The following HS1BP3 variants were observed in gnomAD, a reference collection of about 807,000 sequenced individuals.
The protein encoded by HS1BP3 is HCLS1 binding protein 3.
HS1BP3 carries 32 observed loss-of-function variants against 33.5 expected under a neutral mutation model. The ratio of observed to expected loss-of-function variants is 0.95; its 90% CI spans 0.72 to 1.28. HS1BP3 has a LOEUF of 1.28. Among genes scored for constraint, HS1BP3 ranks in the 50% most tolerant of loss-of-function variants. The probability of loss-of-function intolerance (pLI) is 0.00; values close to 1 mark genes in which losing one functional copy is unlikely to be tolerated. For missense variants in HS1BP3, 486 were observed against 502.3 expected (o/e 0.97, Z 0.31); for synonymous variants, 187 against 209.2 (o/e 0.89, Z 0.92).
chr2:20,628,845 G>A (rs1572348001), intron 4 of HS1BP3, among the ~76,000 whole-genome samples: 1 of 152,114 alleles, frequency 6.6e-6, no homozygotes, highest in South Asian at 2.1e-4. Context: ...TCTGCAGCGG[G>A]CGTGACTAGG....
In HS1BP3 at chr2:20,644,094, T is replaced by C. The variant is rs145666076; in HGVS notation, c.198+1246A>G. 1.4e-3 allele frequency among the ~76,000 whole-genome samples: 207 copies of C among 152,292 alleles called. 5 individuals are homozygous for C. The highest frequency in any genetic ancestry group is 3.7e-3 in the African/African-American group (154 of 41,548). On this transcript the variant is annotated intron_variant, in intron 2 of 6. Coordinates refer to ENST00000304031, the MANE Select transcript of HS1BP3 (RefSeq NM_022460.4). ...CTCCCTGCTGTACTTCGGGGTCTAG[T>C]TCATTTCACCTTTGTCCTAATAATC...
chr2:20,587,376 C>T (rs553564265), intron 5 of HS1BP3, among the ~76,000 whole-genome samples: 2 of 152,322 alleles, frequency 1.3e-5, no homozygotes, highest in African/African-American at 4.8e-5. Flanking sequence ...ATCAACCACG[C>T]CCATCTGTGG....
chr2:20,644,040 C>T (rs1695440723), intron 2 of HS1BP3, among the ~76,000 whole-genome samples: 2 of 152,178 alleles, frequency 1.3e-5, no homozygotes, highest in Admixed American at 1.3e-4. Flanking sequence ...ATCTTGGTTG[C>T]CAGGAGACTC....
intron 5 of HS1BP3, among the ~76,000 whole-genome samples, chr2:20,571,341 C>T (rs1219297791): frequency 6.6e-6 from 1 of 152,192 alleles, no homozygotes; most frequent in Non-Finnish European, 1.5e-5. Flanking sequence ...AGGCCCCTCC[C>T]TCACAGCACA....
At chr2:20,559,009 G>A (rs547879272), downstream of HS1BP3, among the ~76,000 whole-genome samples, 6 of 152,330 alleles carry the variant, frequency 3.9e-5, no homozygotes, top group Non-Finnish European at 8.8e-5. Flanking sequence ...GCAGAGCAGG[G>A]CTTGCTGGCA....
At chr2:20,577,701 A>C (rs748876872) in intron 5 of HS1BP3, among the ~76,000 whole-genome samples, 2 of 152,098 alleles carry the variant, frequency 1.3e-5, no homozygotes, top group African/African-American at 4.8e-5. Flanking sequence ...GGCCAGACCA[A>C]CTCAGGCCGG....
intron 5 of HS1BP3, among the ~76,000 whole-genome samples, chr2:20,579,317 A>G (rs1390609801): frequency 1.3e-5 from 2 of 152,272 alleles, no homozygotes; most frequent in African/African-American, 4.8e-5. Flanking sequence ...TCTCAAGGCC[A>G]GAGCATCCAG....
intron 3 of HS1BP3, among the ~76,000 whole-genome samples, chr2:20,594,286 C>T (rs1693895505): frequency 6.6e-6 from 1 of 152,168 alleles, no homozygotes; most frequent in South Asian, 2.1e-4. Flanking sequence ...TGTGAGTGGG[C>T]TTTGGGCAAC....
chr2:20,623,651 G>C, intron 6 of HS1BP3: 1 of 423,612 alleles, frequency 2.4e-6, no homozygotes, highest in Non-Finnish European at 4.1e-6. Context: ...TGAAAAGAAA[G>C]ACTGGTTGTG....
intron 5 of HS1BP3, among the ~76,000 whole-genome samples, chr2:20,574,267 C>T (rs932063708): frequency 1.3e-5 from 2 of 152,226 alleles, no homozygotes; most frequent in South Asian, 4.1e-4. Context: ...ACTAAATGGC[C>T]ATAATCAAAG....
intron 5 of HS1BP3, among the ~76,000 whole-genome samples, chr2:20,579,725 C>G (rs535444030): frequency 1.3e-5 from 2 of 152,358 alleles, no homozygotes. Context: ...TACCCTCCCT[C>G]CAGGACCAGG....
intron 3 of HS1BP3, among the ~76,000 whole-genome samples, chr2:20,593,223 GGCCACATT>G (rs1480607496): frequency 6.6e-6 from 1 of 151,996 alleles, no homozygotes; most frequent in Non-Finnish European, 1.5e-5. Context: ...GGCCCTCCCT[GGCCACATT>G]GTCTAAACTT....
chr2:20,613,857 C>T (rs930077121), downstream of HS1BP3, among the ~76,000 whole-genome samples: 1 of 152,220 alleles, frequency 6.6e-6, no homozygotes, highest in Non-Finnish European at 1.5e-5. Flanking sequence ...CTGAATGCCA[C>T]GTGCTCAGGA....
intron 5 of HS1BP3, among the ~76,000 whole-genome samples, chr2:20,573,400 C>A (rs146166777): frequency 2.6e-5 from 4 of 152,334 alleles, no homozygotes; most frequent in African/African-American, 9.6e-5. Flanking sequence ...CCACCACAAC[C>A]CGTGGTACTT....
At chr2:20,644,626 C>T (rs1031896077) in intron 2 of HS1BP3, among the ~76,000 whole-genome samples, 8 of 152,208 alleles carry the variant, frequency 5.3e-5, no homozygotes, top group Non-Finnish European at 8.8e-5. Context: ...CCTTTCCCTT[C>T]CATACCAAGT....
chr2:20,571,102 T>C (rs1033586450), intron 5 of HS1BP3, among the ~76,000 whole-genome samples: 3 of 152,140 alleles, frequency 2.0e-5, no homozygotes, highest in South Asian at 4.1e-4. Flanking sequence ...CTCTGAGACA[T>C]AGACCAGGCC....
At chr2:20,586,181 C>T (rs1334822533) in intron 5 of HS1BP3, 2 of 152,278 alleles carry the variant, frequency 1.3e-5, no homozygotes, top group Non-Finnish European at 2.9e-5. Context: ...CCGTCCTGCC[C>T]TTTGAGGGGG....
intron 5 of HS1BP3, among the ~76,000 whole-genome samples, chr2:20,569,405 C>T (rs1029967001): frequency 6.6e-6 from 1 of 152,142 alleles, no homozygotes; most frequent in African/African-American, 2.4e-5. Context: ...GTGGCTGCCT[C>T]TCAGAACAGG....
chr2:20,645,970 C>T (rs941646376), intron 1 of HS1BP3, among the ~76,000 whole-genome samples: 6 of 152,192 alleles, frequency 3.9e-5, no homozygotes, highest in African/African-American at 9.7e-5. Context: ...GGACACGGGA[C>T]GAGCACTGGA....
Sources: allele counts gnomAD v4.1 joint callset (sites outside exome capture counted in the v4.1 genomes callset), GRCh38; gene constraint gnomAD v4.1.1; transcripts MANE v1.5; gene names NCBI Gene and HGNC (gene_info 2026-07-23, HGNC 2026-07-21).